Variants in MECOM observed in about 807,000 individuals in gnomAD.
MECOM encodes MDS1 and EVI1 complex locus.
A neutral mutation model predicts 116.3 loss-of-function variants in MECOM; 13 were observed. That is an observed-to-expected ratio of 0.11 (90% CI 0.07 to 0.18). The LOEUF is 0.18. Ranked by LOEUF, MECOM falls within the 10% of genes least tolerant of loss-of-function variation. The pLI is 1.00. For synonymous variants in MECOM, 528 were observed against 535.2 expected (o/e 0.99, Z 0.19); for missense variants, 1,299 against 1,509.0 (o/e 0.86, Z 2.31).
At chr3:169,436,822 A>C (rs1033859709) in intron 1 of MECOM, among the ~76,000 whole-genome samples, 15 of 152,132 alleles carry the variant, frequency 9.9e-5, no homozygotes, top group Non-Finnish European at 1.3e-4. Flanking sequence ...AATTTTTGGA[A>C]ATTTTTTATT....
At chr3:169,599,725 T>C (rs1438252939) in intron 1 of MECOM, among the ~76,000 whole-genome samples, 1 of 152,036 alleles carries the variant, frequency 6.6e-6, no homozygotes, top group Non-Finnish European at 1.5e-5. Flanking sequence ...AATTAGCAAT[T>C]TGCAAAAAGA....
At chr3:169,118,717 G>T (rs3889027) in intron 7 of MECOM, among the ~76,000 whole-genome samples, 14,339 of 56,548 alleles carry the variant, frequency 0.25, 733 homozygotes, top group South Asian at 0.37. Flanking sequence ...CTTACAATCA[G>T]ATGGCTTAAA....
intron 2 of MECOM, among the ~76,000 whole-genome samples, chr3:169,297,995 T>C (rs919405584): frequency 1.3e-5 from 2 of 152,182 alleles, no homozygotes; most frequent in African/African-American, 4.8e-5. Context: ...ACCACTCCTT[T>C]TGTGGGAACA....
intron 2 of MECOM, among the ~76,000 whole-genome samples, chr3:169,252,971 T>C (rs1756423508): frequency 1.3e-5 from 2 of 152,236 alleles, no homozygotes; most frequent in African/African-American, 4.8e-5. Flanking sequence ...CATATGTTTC[T>C]TATTCTTTAA....
At chr3:169,447,083 T>C (rs952350145) in intron 1 of MECOM, among the ~76,000 whole-genome samples, 1 of 152,234 alleles carries the variant, frequency 6.6e-6, no homozygotes, top group Non-Finnish European at 1.5e-5. Context: ...TCATTTTATC[T>C]ACAATCTAGA....
intron 1 of MECOM, among the ~76,000 whole-genome samples, chr3:169,444,364 C>A (rs577111054): frequency 6.6e-6 from 1 of 152,168 alleles, no homozygotes; most frequent in African/African-American, 2.4e-5. Flanking sequence ...AGAATTCCCA[C>A]GCATTGTCCG....
At chr3:169,177,080 C>T (rs1745279668) in intron 2 of MECOM, among the ~76,000 whole-genome samples, 1 of 152,090 alleles carries the variant, frequency 6.6e-6, no homozygotes, top group Non-Finnish European at 1.5e-5. Context: ...GATCTAGAAC[C>T]AGAAATATCA....
rs1409490547 is a variant in MECOM, at chr3:169,121,428, G to T, written c.979-219C>A. On this transcript the variant is annotated intron_variant, in intron 6 of 16. Coordinates refer to ENST00000651503, the MANE Select transcript of MECOM (RefSeq NM_004991.4). ...TATCCTTAGCATGGTGTATCCACTG[G>T]TATCAGTTGAACCAAATAATGAATG... Among the ~76,000 whole-genome samples the T allele has an allele frequency of 3.3e-5, 5 of 152,056 alleles. No individual in the cohort carries two copies. In the East Asian group the frequency reaches 9.6e-4, roughly 29 times the overall value.
At chr3:169,545,496 C>T (rs1473681761) in intron 1 of MECOM, among the ~76,000 whole-genome samples, 1 of 152,154 alleles carries the variant, frequency 6.6e-6, no homozygotes, top group African/African-American at 2.4e-5. Flanking sequence ...AGACAGTACA[C>T]AAAACCAAGA....
intron 2 of MECOM, among the ~76,000 whole-genome samples, chr3:169,176,403 T>C (rs1347631014): frequency 6.6e-6 from 1 of 152,132 alleles, no homozygotes; most frequent in African/African-American, 2.4e-5. Context: ...CTGGGAAAAC[T>C]GGCTAGCCAT....
At chr3:169,375,364 C>CA (rs200029433) in intron 2 of MECOM, among the ~76,000 whole-genome samples, 26 of 147,014 alleles carry the variant, frequency 1.8e-4, no homozygotes, top group South Asian at 4.4e-4. Context: ...AAAAATCCTT[C>CA]AAAAAAAAAT....
rs1388713068 is a variant in MECOM, at chr3:169,097,938, A to G, written c.2850-2693T>C. 2.0e-5 allele frequency among the ~76,000 whole-genome samples: 3 copies of G among 151,786 alleles called. 1 individual carries two copies. The highest frequency in any genetic ancestry group is 7.3e-5 in the African/African-American group (3 of 41,290). On this transcript the variant is annotated intron_variant, in intron 12 of 16. Transcript: ENST00000651503. ...GGACCATGTTTAACTTTTACTACATAAAGTATTAAAACCTAATAGAACTTT... is the reference window on the plus strand; with the variant it reads ...GGACCATGTTTAACTTTTACTACATGAAGTATTAAAACCTAATAGAACTTT...
chr3:169,190,799 G>T (rs2149420698), intron 2 of MECOM, among the ~76,000 whole-genome samples: 1 of 152,108 alleles, frequency 6.6e-6, no homozygotes, highest in East Asian at 1.9e-4. Flanking sequence ...CATAAAAGCA[G>T]CCCAGGTCCC....
At chr3:169,594,755 G>T (rs1273721689) in intron 1 of MECOM, among the ~76,000 whole-genome samples, 1 of 151,314 alleles carries the variant, frequency 6.6e-6, no homozygotes, top group African/African-American at 2.4e-5. Flanking sequence ...TCTCAAAGTT[G>T]ATACTCTCTG....
chr3:169,415,619 C>T (rs998897941), intron 1 of MECOM, among the ~76,000 whole-genome samples: 1 of 151,926 alleles, frequency 6.6e-6, no homozygotes, highest in African/African-American at 2.4e-5. Context: ...CATCAGTGTG[C>T]TGTATTCAGG....
intron 1 of MECOM, among the ~76,000 whole-genome samples, chr3:169,532,300 G>A (rs1365367065): frequency 3.9e-5 from 6 of 152,154 alleles, no homozygotes; most frequent in African/African-American, 7.2e-5. Flanking sequence ...CAGGGATCAC[G>A]CTTTGAGAAC....
chr3:169,489,372 C>A (rs932866871), intron 1 of MECOM, among the ~76,000 whole-genome samples: 1 of 152,042 alleles, frequency 6.6e-6, no homozygotes, highest in African/African-American at 2.4e-5. Context: ...AAAAATAGAA[C>A]AGGTTTTGTA....
chr3:169,604,311 C>G (rs1404062104), intron 1 of MECOM, among the ~76,000 whole-genome samples: 2 of 151,682 alleles, frequency 1.3e-5, no homozygotes, highest in Admixed American at 1.3e-4. Context: ...CATACACATA[C>G]TCACTAGCTC....
intron 1 of MECOM, among the ~76,000 whole-genome samples, chr3:169,653,223 T>G (rs1775130691): frequency 6.6e-6 from 1 of 152,078 alleles, no homozygotes; most frequent in African/African-American, 2.4e-5. Context: ...CCAAAGAAAT[T>G]GAAGGGGTTC....
Sources: gnomAD v4.1 joint callset for allele counts (sites outside exome capture counted in the v4.1 genomes callset) on GRCh38, gnomAD v4.1.1 for gene constraint, MANE v1.5 for transcripts, NCBI Gene and HGNC (gene_info 2026-07-23, HGNC 2026-07-21) for gene names.